The following WDR49 variants were observed in gnomAD, a reference collection of about 807,000 sequenced individuals.
The protein encoded by WDR49 is cilia- and flagella-associated protein 337.
Under a neutral mutation model 119.5 loss-of-function variants are expected in WDR49, and 107 were observed. The ratio of observed to expected loss-of-function variants is 0.90; its 90% CI spans 0.77 to 1.05. The LOEUF (loss-of-function observed/expected upper bound fraction) is 1.05, where lower values mean the gene tolerates loss of function less well. Among genes scored for constraint, WDR49 ranks in the 50% least tolerant of loss-of-function variants. The pLI, the probability that WDR49 is intolerant of heterozygous loss-of-function variation, is 0.00. For synonymous variants in WDR49, 425 were observed against 418.8 expected (o/e 1.01, Z -0.18); for missense variants, 1,240 against 1,220.5 (o/e 1.02, Z -0.24).
intron 2 of WDR49, among the ~76,000 whole-genome samples, chr3:167,648,173 G>C (rs988728075): frequency 2.0e-5 from 3 of 152,124 alleles, no homozygotes; most frequent in Non-Finnish European, 4.4e-5. Context: ...TAAATGGGAA[G>C]TAAAAATTTA....
At position 167,536,998 on chromosome 3, in the gene WDR49, G is replaced by T. The variant is rs766428765; in HGVS notation, c.1826C>A (p.Ala609Asp). 6.3e-6 allele frequency: 10 copies of T among 1,575,106 alleles called. No individual in the cohort carries two copies. In the South Asian group the frequency reaches 1.2e-4, roughly 19 times the overall value. Residue 609 changes from alanine to aspartate, a missense_variant and splice_region_variant, in exon 11 of 19, where the codon GCT becomes GAT. Coordinates refer to ENST00000682715, the MANE Select transcript of WDR49 (RefSeq NM_001366157.1). ...DYASWKTIGR[A>D]ITVFRPQNFN... ...GTTTTGGGGTCGAAACACAGTAATAGCCCTAGCAAAAAGGATATAGAATTT... is the reference window on the plus strand; with the variant it reads ...GTTTTGGGGTCGAAACACAGTAATATCCCTAGCAAAAAGGATATAGAATTT...
intron 8 of WDR49, among the ~76,000 whole-genome samples, chr3:167,564,979 C>T (rs761812698): frequency 1.3e-5 from 2 of 151,564 alleles, no homozygotes; most frequent in African/African-American, 2.4e-5. Flanking sequence ...TACTTGATTC[C>T]ATTGCTGTTT....
rs1411691060 is a variant in WDR49, at chr3:167,575,981, G to T, written c.1446C>A (p.Ser482Arg). Residue 482 changes from serine (S) to arginine (R), a missense_variant, in exon 8 of 19, where the codon AGC becomes AGA. Physicochemically the swap from Ser to Arg is moderately radical, Grantham distance 110. Transcript: ENST00000682715. ...LALLAMKSEA[S>R]KRVKSHEKAV... ...CTTTCTCATGGCTTTTCACCCTCTT[G>T]CTGGCTTCACTTTTCATTGCCAACA... 3 of 1,614,116 alleles carry T rather than the reference G, an allele frequency of 1.9e-6. No individual in the cohort carries two copies. The highest frequency in any genetic ancestry group is 8.5e-7 in the Non-Finnish European group (1 of 1,180,008).
chr3:167,626,226 A>G (rs1717121873), intron 3 of WDR49, among the ~76,000 whole-genome samples: 1 of 152,032 alleles, frequency 6.6e-6, no homozygotes, highest in Non-Finnish European at 1.5e-5. Context: ...ATGAAACAAG[A>G]TTAGCCGTGA....
At chr3:167,545,302 C>A (rs1345555323) in intron 10 of WDR49, among the ~76,000 whole-genome samples, 1 of 151,414 alleles carries the variant, frequency 6.6e-6, no homozygotes. Flanking sequence ...TCTTAAAGAA[C>A]TAAAACTAGA....
intron 18 of WDR49, among the ~76,000 whole-genome samples, chr3:167,494,351 G>A (rs970708207): frequency 3.9e-5 from 6 of 152,030 alleles, no homozygotes; most frequent in Non-Finnish European, 8.8e-5. Context: ...TTTTCAGAAC[G>A]CTTTCTAAAA....
At chr3:167,516,250 T>TC (rs1370324121) in intron 16 of WDR49, among the ~76,000 whole-genome samples, 1 of 53,338 alleles carries the variant, frequency 1.9e-5, no homozygotes, top group East Asian at 6.6e-4. Flanking sequence ...CCCTCCACCC[T>TC]CCCCCCACCC....
At chr3:167,634,611 G>A (rs1249301698) in intron 2 of WDR49, among the ~76,000 whole-genome samples, 2 of 151,690 alleles carry the variant, frequency 1.3e-5, no homozygotes, top group African/African-American at 2.4e-5. Context: ...CTTTAGCTCT[G>A]AGCTTTGTAA....
At position 167,600,957 on chromosome 3, in the gene WDR49, T is replaced by C. The variant is rs528191224; in HGVS notation, c.1275+1170A>G. Among the ~76,000 whole-genome samples the C allele has an allele frequency of 7.2e-5, 11 of 152,174 alleles. No individual in the cohort carries two copies. In the East Asian group the frequency reaches 2.1e-3, roughly 29 times the overall value. Reference sequence around the variant, plus strand: ...GTATAAAATTTTAAGAATTTGAGAGTTCATATTTAAATAGAGGGCAGAGAT... The same window carrying C: ...GTATAAAATTTTAAGAATTTGAGAGCTCATATTTAAATAGAGGGCAGAGAT... On this transcript the variant is annotated intron_variant, in intron 7 of 18. Transcript: ENST00000682715.
intron 7 of WDR49, among the ~76,000 whole-genome samples, chr3:167,600,128 C>T (rs1373049032): frequency 3.3e-5 from 5 of 151,990 alleles, no homozygotes; most frequent in Admixed American, 6.6e-5. Context: ...AGACAAAAGT[C>T]CTCTTTACTC....
chr3:167,508,454 A>G (rs1265441164), intron 16 of WDR49, among the ~76,000 whole-genome samples: 9 of 152,198 alleles, frequency 5.9e-5, no homozygotes, highest in Admixed American at 5.2e-4. Context: ...TTCTAGGATT[A>G]CAGTGAGAAT....
intron 7 of WDR49, 115 bp from the exon 8 acceptor site, chr3:167,576,266 G>T: frequency 1.3e-6 from 1 of 784,324 alleles, no homozygotes; most frequent in Non-Finnish European, 2.0e-6. Flanking sequence ...CCTCCACAGT[G>T]CTATAATTGG....
At chr3:167,643,847 G>A (rs1230127358) in intron 2 of WDR49, among the ~76,000 whole-genome samples, 3 of 151,944 alleles carry the variant, frequency 2.0e-5, no homozygotes, top group Non-Finnish European at 4.4e-5. Flanking sequence ...ATAATAGCAA[G>A]TTTGGGGAGG....
intron 5 of WDR49, among the ~76,000 whole-genome samples, chr3:167,613,116 C>A (rs1716423219): frequency 6.6e-6 from 1 of 152,092 alleles, no homozygotes; most frequent in African/African-American, 2.4e-5. Context: ...CCAGGTTGTA[C>A]TTATTTCACA....
chr3:167,598,382 A>T (rs1413839015), intron 7 of WDR49, among the ~76,000 whole-genome samples: 1 of 152,096 alleles, frequency 6.6e-6, no homozygotes, highest in African/African-American at 2.4e-5. Flanking sequence ...TAATGACATG[A>T]TCTGGCTCTG....
upstream of WDR49, among the ~76,000 whole-genome samples, chr3:167,654,517 C>T (rs1018081711): frequency 6.6e-6 from 1 of 152,176 alleles, no homozygotes; most frequent in Non-Finnish European, 1.5e-5. Context: ...ATGTGCCAGG[C>T]ACTAAAACTT....
intron 16 of WDR49, among the ~76,000 whole-genome samples, chr3:167,517,607 A>G (rs1047835222): frequency 2.6e-5 from 4 of 152,214 alleles, no homozygotes; most frequent in African/African-American, 9.6e-5. Context: ...GGATATAGGT[A>G]CAGGCAAAGA....
chr3:167,645,383 G>A (rs1260646441), intron 2 of WDR49, among the ~76,000 whole-genome samples: 4 of 151,670 alleles, frequency 2.6e-5, no homozygotes, highest in East Asian at 1.9e-4. Flanking sequence ...GCTAGTTTTC[G>A]TATTTTTGTA....
chr3:167,551,805 A>G (rs1712589046), intron 10 of WDR49, among the ~76,000 whole-genome samples: 1 of 151,966 alleles, frequency 6.6e-6, no homozygotes, highest in African/African-American at 2.4e-5. Context: ...ACATTTATTA[A>G]GTCACTCAAC....
Sources: allele counts gnomAD v4.1 joint callset (sites outside exome capture counted in the v4.1 genomes callset), GRCh38; gene constraint gnomAD v4.1.1; transcripts MANE v1.5; gene names NCBI Gene and HGNC (gene_info 2026-07-23, HGNC 2026-07-21).